Variants in AKAP7 observed in about 807,000 individuals in gnomAD.
AKAP7 encodes the protein A kinase (PRKA) anchor protein 7.
AKAP7 carries 39 observed loss-of-function variants against 39.5 expected under a neutral mutation model. That is an observed-to-expected ratio of 0.99 (90% CI 0.76 to 1.29). The LOEUF is 1.29. Among genes scored for constraint, AKAP7 ranks in the 50% most tolerant of loss-of-function variants. The pLI, the probability that AKAP7 is intolerant of heterozygous loss-of-function variation, is 0.00. For synonymous variants in AKAP7, 140 were observed against 139.1 expected, an observed-to-expected ratio of 1.01 and a Z score of -0.05; for missense variants, 414 against 407.7, an observed-to-expected ratio of 1.02 and a Z score of -0.13.
chr6:131,235,447 T>C (rs1206569438), intron 7 of AKAP7, among the ~76,000 whole-genome samples: 2 of 152,196 alleles, frequency 1.3e-5, no homozygotes, highest in African/African-American at 4.8e-5. Flanking sequence ...CTGGGTCAAA[T>C]GGTATTTCTA....
the AKAP7 span, among the ~76,000 whole-genome samples, chr6:131,128,652 A>G: frequency 1.3e-5 from 2 of 151,974 alleles, no homozygotes; most frequent in African/African-American, 4.8e-5. Context: ...GCGAAACCCC[A>G]TCTCTACTAA....
chr6:131,269,040 G>C (rs768151169), intron 7 of AKAP7, among the ~76,000 whole-genome samples: 4 of 152,118 alleles, frequency 2.6e-5, no homozygotes, highest in Non-Finnish European at 5.9e-5. Flanking sequence ...TGTGGACCAG[G>C]AATTGTGTTT....
rs140526753 is a variant in AKAP7 at position 131,272,346 on chromosome 6, T to C, written c.851-9184T>C. On this transcript the variant is annotated intron_variant, in intron 7 of 7. Coordinates refer to ENST00000431975, the MANE Select transcript of AKAP7 (RefSeq NM_016377.4). ...CTTTGGTTTCGCTGATGTTCTCTACTGTTTATCTGTTTTCTATTTCATTCT... is the reference window on the plus strand; with the variant it reads ...CTTTGGTTTCGCTGATGTTCTCTACCGTTTATCTGTTTTCTATTTCATTCT... Among the ~76,000 whole-genome samples, 17 of 152,308 alleles carry C rather than the reference T, an allele frequency of 1.1e-4. No homozygotes were observed. The East Asian group carries it at 1.9e-3, about 17-fold the overall frequency.
At chr6:131,222,264 G>A (rs1034773283) in intron 7 of AKAP7, among the ~76,000 whole-genome samples, 3 of 152,288 alleles carry the variant, frequency 2.0e-5, no homozygotes, top group South Asian at 2.1e-4. Context: ...GGTGGCTCAC[G>A]CCTGTAATCC....
chr6:131,169,142 C>A lies in AKAP7; in HGVS notation c.458C>A (p.Pro153Gln). Reference sequence around the variant, plus strand: ...ATTGATGCTCTTTTGGAATTGAAACCATTCATAGAAGAACTCCTCCAGGGA... The same window carrying A: ...ATTGATGCTCTTTTGGAATTGAAACAATTCATAGAAGAACTCCTCCAGGGA... Reference protein sequence around the residue: ...IGIDALLELKPFIEELLQGKH... With the variant: ...IGIDALLELKQFIEELLQGKH... The change falls in exon 5 of 8, where the codon CCA becomes CAA. Residue 153 changes from proline to glutamine, a missense_variant. Pro to Gln is a moderately conservative substitution (Grantham distance 76). Coordinates refer to ENST00000431975, the MANE Select transcript of AKAP7 (RefSeq NM_016377.4). The A allele has an allele frequency of 6.2e-7, 1 of 1,612,854 alleles. No homozygotes were observed. The highest frequency in any genetic ancestry group is 8.5e-7 in the Non-Finnish European group (1 of 1,179,104).
intron 5 of AKAP7, among the ~76,000 whole-genome samples, chr6:131,173,222 A>G (rs1421163484): frequency 6.6e-6 from 1 of 151,876 alleles, no homozygotes; most frequent in East Asian, 1.9e-4. Flanking sequence ...AAAAAGAAAA[A>G]AGAAAAAATT....
At chr6:131,221,621 A>G (rs1303480195) in intron 7 of AKAP7, among the ~76,000 whole-genome samples, 2 of 152,206 alleles carry the variant, frequency 1.3e-5, no homozygotes, top group Non-Finnish European at 2.9e-5. Flanking sequence ...CTCTCTTGTG[A>G]GGGGCTAATG....
At chr6:131,183,276 A>T (rs1805462515) in intron 5 of AKAP7, among the ~76,000 whole-genome samples, 1 of 152,096 alleles carries the variant, frequency 6.6e-6, no homozygotes, top group Admixed American at 6.5e-5. Flanking sequence ...CTAAGCAGAA[A>T]ACTTGAGGAA....
intron 2 of AKAP7, among the ~76,000 whole-genome samples, chr6:131,146,931 A>G (rs895362500): frequency 1.3e-5 from 2 of 152,356 alleles, no homozygotes; most frequent in South Asian, 4.1e-4. Context: ...TCCCAGCTTC[A>G]TTGGGGAGCC....
At chr6:131,194,731 AAT>A (rs576859478) in intron 5 of AKAP7, among the ~76,000 whole-genome samples, 64 of 152,172 alleles carry the variant, frequency 4.2e-4, no homozygotes, top group African/African-American at 1.5e-3. Context: ...GTTGGGTGTA[AAT>A]ATGTTTACAA....
chr6:131,256,075 GCCA>G (rs1812822473), intron 7 of AKAP7, among the ~76,000 whole-genome samples: 2 of 152,208 alleles, frequency 1.3e-5, no homozygotes, highest in South Asian at 4.1e-4. Flanking sequence ...CTCCCGGGGT[GCCA>G]TGGGGCTGAG....
intron 4 of AKAP7, among the ~76,000 whole-genome samples, chr6:131,167,350 C>A (rs969942414): frequency 1.3e-5 from 2 of 152,100 alleles, no homozygotes; most frequent in African/African-American, 4.8e-5. Context: ...GAATTTAGAT[C>A]ATCTATATTT....
rs576810409 is a variant in AKAP7, at chr6:131,204,338, A to G, written c.702+4765A>G. ...AATCATATAAATGATATAAGCAGCTACTGAAGTAGATATAAGGATTCTATA... is the reference window on the plus strand; with the variant it reads ...AATCATATAAATGATATAAGCAGCTGCTGAAGTAGATATAAGGATTCTATA... On this transcript the variant is annotated intron_variant, in intron 6 of 7. Transcript: ENST00000431975. Among the ~76,000 whole-genome samples the G allele has an allele frequency of 1.7e-3, 256 of 152,344 alleles. 1 individual carries two copies. The highest frequency in any genetic ancestry group is 4.9e-3 in the African/African-American group (203 of 41,574).
chr6:131,202,013 G>C (rs189379581), intron 6 of AKAP7, among the ~76,000 whole-genome samples: 3 of 152,172 alleles, frequency 2.0e-5, no homozygotes, highest in Admixed American at 1.3e-4. Flanking sequence ...TGAAAAAATG[G>C]TCACCATCAC....
chr6:131,251,188 G>C (rs1477397387), intron 7 of AKAP7, among the ~76,000 whole-genome samples: 1 of 152,204 alleles, frequency 6.6e-6, no homozygotes, highest in Non-Finnish European at 1.5e-5. Context: ...CTGCCTAAAT[G>C]AATGTTGAAT....
chr6:131,216,278 T>C (rs1282688359), intron 6 of AKAP7, among the ~76,000 whole-genome samples: 1 of 152,194 alleles, frequency 6.6e-6, no homozygotes, highest in Non-Finnish European at 1.5e-5. Context: ...CTTCCTGTAT[T>C]AAAAATAGAG....
intron 5 of AKAP7, among the ~76,000 whole-genome samples, chr6:131,174,656 A>G (rs1378501143): frequency 1.3e-5 from 2 of 152,180 alleles, no homozygotes; most frequent in South Asian, 2.1e-4. Context: ...ATGATTTAAT[A>G]TTTGTTTTTG....
chr6:131,168,444 AAG>A (rs374239226), intron 4 of AKAP7, among the ~76,000 whole-genome samples: 82 of 148,074 alleles, frequency 5.5e-4, no homozygotes, highest in Non-Finnish European at 5.1e-4. Flanking sequence ...AGGAGACAGA[AAG>A]AGAGAGAGAG....
At chr6:131,130,916 T>C (rs1800312676), upstream of AKAP7, among the ~76,000 whole-genome samples, 1 of 152,098 alleles carries the variant, frequency 6.6e-6, no homozygotes, top group East Asian at 1.9e-4. Context: ...TGCAGTTGGC[T>C]TTGCAGGGAA....
Sources: allele counts gnomAD v4.1 joint callset (sites outside exome capture counted in the v4.1 genomes callset), GRCh38; gene constraint gnomAD v4.1.1; transcripts MANE v1.5; gene names NCBI Gene and HGNC (gene_info 2026-07-23, HGNC 2026-07-21).